The following PPM1L variants were observed in gnomAD, a reference collection of about 807,000 sequenced individuals.
PPM1L encodes the protein protein phosphatase, Mg2+/Mn2+ dependent 1L.
A neutral mutation model predicts 31.4 loss-of-function variants in PPM1L; 13 were observed. That is an observed-to-expected ratio of 0.41 (90% CI 0.27 to 0.66). The LOEUF (loss-of-function observed/expected upper bound fraction) is 0.66. Ranked by LOEUF, PPM1L falls within the 30% of genes least tolerant of loss-of-function variation. The pLI, the probability that PPM1L is intolerant of heterozygous loss-of-function variation, is 0.29. For missense variants in PPM1L, 326 were observed against 453.7 expected, an observed-to-expected ratio of 0.72 and a Z score of 2.56; for synonymous variants, 184 against 175.4, an observed-to-expected ratio of 1.05 and a Z score of -0.39.
intron 1 of PPM1L, among the ~76,000 whole-genome samples, chr3:160,927,544 CAT>C (rs1714636791): frequency 6.6e-6 from 1 of 151,856 alleles, no homozygotes; most frequent in African/African-American, 2.4e-5. Context: ...GAAACTGTTA[CAT>C]ATTATGTGAT....
chr3:161,044,408 G>A (rs1270247618), intron 2 of PPM1L, among the ~76,000 whole-genome samples: 5 of 151,428 alleles, frequency 3.3e-5, no homozygotes, highest in African/African-American at 1.2e-4. Flanking sequence ...GCAAATGCAA[G>A]TTGAGCATTG....
intron 1 of PPM1L, among the ~76,000 whole-genome samples, chr3:160,944,803 A>T (rs1715286030): frequency 1.7e-5 from 1 of 59,254 alleles, no homozygotes; most frequent in East Asian, 2.7e-4. Flanking sequence ...TATATATAAC[A>T]TATATAACAT....
intron 1 of PPM1L, among the ~76,000 whole-genome samples, chr3:160,898,064 A>G (rs967533294): frequency 8.5e-5 from 13 of 152,232 alleles, no homozygotes; most frequent in Admixed American, 8.5e-4. Context: ...GGAAGAAAAA[A>G]AAATCACCTT....
At chr3:160,943,177 T>C (rs747094921) in intron 1 of PPM1L, among the ~76,000 whole-genome samples, 7 of 152,184 alleles carry the variant, frequency 4.6e-5, no homozygotes, top group Non-Finnish European at 8.8e-5. Context: ...GCGATCAGGG[T>C]AATGTGCTGT....
rs116346366 is a variant in PPM1L at position 160,759,368 on chromosome 3, G to A, written c.399+2661G>A. 4.8e-3 allele frequency among the ~76,000 whole-genome samples: 726 copies of A among 152,214 alleles called. 7 individuals are homozygous for A. Among genetic ancestry groups the A allele is most frequent in the African/African-American group, 0.017 (691 of 41,532 alleles). On this transcript the variant is annotated intron_variant, in intron 1 of 3. Coordinates refer to ENST00000498165, the MANE Select transcript of PPM1L (RefSeq NM_139245.4). ...TTAGATGCAGAGGAGACATTACCTTGTATATCCTTGTACATCCATTTCATC... is the reference window on the plus strand; with the variant it reads ...TTAGATGCAGAGGAGACATTACCTTATATATCCTTGTACATCCATTTCATC...
intron 1 of PPM1L, among the ~76,000 whole-genome samples, chr3:160,882,079 A>G (rs1712741705): frequency 6.6e-6 from 1 of 152,036 alleles, no homozygotes; most frequent in African/African-American, 2.4e-5. Context: ...TGTATTCCAT[A>G]TCATTGATCT....
chr3:160,906,610 A>AAAAAT (rs1560146556), intron 1 of PPM1L, among the ~76,000 whole-genome samples: 1 of 116,824 alleles, frequency 8.6e-6, no homozygotes, highest in Non-Finnish European at 1.9e-5. Flanking sequence ...CATAAAGAAA[A>AAAAAT]GAAAAGAAAA....
chr3:160,816,513 G>T (rs982804173), intron 1 of PPM1L, among the ~76,000 whole-genome samples: 1 of 150,378 alleles, frequency 6.6e-6, no homozygotes, highest in Non-Finnish European at 1.5e-5. Flanking sequence ...AGCACAGCCT[G>T]TATAAAGACA....
In PPM1L at chr3:161,010,866, G is replaced by C. The variant is rs571027723; in HGVS notation, c.574+48956G>C. On this transcript the variant is annotated intron_variant, in intron 2 of 3. Transcript: ENST00000498165. ...CATATCCTTTGCCCACTTTGTAATG[G>C]GGTTGTTTTATTCTTGCAAATTTGA... 3.8e-4 allele frequency among the ~76,000 whole-genome samples: 58 copies of C among 152,210 alleles called. 1 individual carries two copies. The South Asian group carries it at 0.01, about 27-fold the overall frequency.
At chr3:160,976,206 G>A (rs1377564600) in intron 2 of PPM1L, among the ~76,000 whole-genome samples, 1 of 136,012 alleles carries the variant, frequency 7.4e-6, no homozygotes, top group Non-Finnish European at 1.6e-5. Flanking sequence ...AACCAGCCTT[G>A]CATCCCAGGG....
intron 2 of PPM1L, among the ~76,000 whole-genome samples, chr3:160,968,274 G>A (rs1176000016): frequency 2.6e-5 from 4 of 152,284 alleles, no homozygotes; most frequent in East Asian, 3.9e-4. Context: ...AACAAGTAAG[G>A]TGTGGTTTAT....
chr3:160,844,998 C>A (rs1270525191), intron 1 of PPM1L, among the ~76,000 whole-genome samples: 1 of 152,090 alleles, frequency 6.6e-6, no homozygotes, highest in Non-Finnish European at 1.5e-5. Context: ...TAAATAGAAT[C>A]TGTGGTCTTT....
At chr3:160,947,005 A>G (rs918771158) in intron 1 of PPM1L, among the ~76,000 whole-genome samples, 1 of 152,176 alleles carries the variant, frequency 6.6e-6, no homozygotes, top group African/African-American at 2.4e-5. Context: ...TGTACATTCT[A>G]CACTTGAGAG....
At chr3:160,871,938 A>G (rs1428713510) in intron 1 of PPM1L, among the ~76,000 whole-genome samples, 2 of 151,972 alleles carry the variant, frequency 1.3e-5, no homozygotes, top group African/African-American at 4.8e-5. Context: ...TAATTAAAGC[A>G]TCTTTTTTTT....
intron 1 of PPM1L, among the ~76,000 whole-genome samples, chr3:160,768,807 T>C (rs1715175692): frequency 6.6e-6 from 1 of 152,166 alleles, no homozygotes; most frequent in Non-Finnish European, 1.5e-5. Context: ...AGACAGTTAT[T>C]ATCTCACATA....
At chr3:160,802,513 G>A (rs1399240602) in intron 1 of PPM1L, among the ~76,000 whole-genome samples, 2 of 152,200 alleles carry the variant, frequency 1.3e-5, no homozygotes, top group Admixed American at 1.3e-4. Flanking sequence ...GAACACTAAT[G>A]TTTATTGAGC....
In PPM1L at chr3:161,076,150, T is replaced by C. The variant is rs563428612; in HGVS notation, c.*6993T>C. 6.6e-6 allele frequency: 1 copy of C among 152,344 alleles called. No homozygotes were observed. The highest frequency in any genetic ancestry group is 2.1e-4 in the South Asian group (1 of 4,830). The allele number at this position is 152,344 out of a possible 1,614,324, so 9.4% of individuals were successfully genotyped here. A position where few individuals can be genotyped will look rare whatever the true frequency, so the allele number is the denominator to read the frequency against. ...ATAATGCAATGGGTCAGGTTGCTCA[T>C]ATGATTAAAAAAATTAATCCTGTAG... On this transcript the variant is annotated 3_prime_UTR_variant, in exon 4 of 4. Transcript: ENST00000498165.
At chr3:160,977,292 C>G (rs1201739863) in intron 2 of PPM1L, among the ~76,000 whole-genome samples, 1 of 152,072 alleles carries the variant, frequency 6.6e-6, no homozygotes, top group African/African-American at 2.4e-5. Context: ...CTCTTTAGTT[C>G]TTTAATCAAT....
chr3:160,898,635 G>A (rs937422782), intron 1 of PPM1L, among the ~76,000 whole-genome samples: 5 of 152,158 alleles, frequency 3.3e-5, no homozygotes, highest in African/African-American at 1.2e-4. Flanking sequence ...ATAACTTGCC[G>A]TCAGTTCTGG....
Sources: allele counts gnomAD v4.1 joint callset (sites outside exome capture counted in the v4.1 genomes callset), GRCh38; gene constraint gnomAD v4.1.1; transcripts MANE v1.5; gene names NCBI Gene and HGNC (gene_info 2026-07-23, HGNC 2026-07-21).